Variants in GALNT14 observed in about 807,000 individuals in gnomAD.
GALNT14 encodes UDP-GalNAc:polypeptide N-acetylgalactosaminyltransferase 14.
GALNT14 carries 60 observed loss-of-function variants against 77.5 expected under a neutral mutation model. The ratio of observed to expected loss-of-function variants is 0.77; its 90% CI spans 0.63 to 0.96. The LOEUF is 0.96. Ranked by LOEUF, GALNT14 falls within the 40% of genes least tolerant of loss-of-function variation. The pLI is 0.00. For synonymous variants in GALNT14, 280 were observed against 281.7 expected (o/e 0.99, Z 0.06); for missense variants, 710 against 731.0 (o/e 0.97, Z 0.33).
the GALNT14 span, among the ~76,000 whole-genome samples, chr2:30,893,958 A>G: frequency 1.3e-5 from 2 of 152,174 alleles, no homozygotes. Context: ...TGAGCTTCTC[A>G]GTTACACTAT....
At position 31,010,446 on chromosome 2, in the gene GALNT14, A is replaced by T. The variant is rs185905354; in HGVS notation, c.130-17439T>A. On this transcript the variant is annotated intron_variant, in intron 1 of 14. Transcript: ENST00000349752. ...AACCCCATCTCTACTAAAAATACAA[A>T]AAATAAATAAATAAATAAATTAGCC... Among the ~76,000 whole-genome samples, 748 of 152,326 alleles carry T rather than the reference A, an allele frequency of 4.9e-3. 1 individual carries two copies. Among genetic ancestry groups the T allele is most frequent in the Admixed American group, 0.011 (169 of 15,300 alleles).
At chr2:31,070,955 G>A (rs768745347) in intron 1 of GALNT14, among the ~76,000 whole-genome samples, 6 of 152,074 alleles carry the variant, frequency 3.9e-5, no homozygotes, top group Non-Finnish European at 7.4e-5. Flanking sequence ...CAGGGTCATG[G>A]GATTGTAGAT....
At chr2:31,060,422 A>C (rs888443932) in intron 1 of GALNT14, among the ~76,000 whole-genome samples, 1 of 152,168 alleles carries the variant, frequency 6.6e-6, no homozygotes, top group African/African-American at 2.4e-5. Context: ...CACAGGGAAA[A>C]TCCTTCAGCG....
At chr2:31,071,251 T>C (rs1352788100) in intron 1 of GALNT14, among the ~76,000 whole-genome samples, 1 of 152,062 alleles carries the variant, frequency 6.6e-6, no homozygotes, top group African/African-American at 2.4e-5. Context: ...CCTGTGGAAA[T>C]AAAAATTTTT....
At chr2:31,035,617 CT>C (rs1165388160) in intron 1 of GALNT14, among the ~76,000 whole-genome samples, 320 of 29,784 alleles carry the variant, frequency 0.011, 9 homozygotes, top group African/African-American at 0.052. Context: ...ACACACACAC[CT>C]ACACACACAC....
At chr2:31,091,155 C>T (rs1676717307) in intron 1 of GALNT14, among the ~76,000 whole-genome samples, 1 of 152,084 alleles carries the variant, frequency 6.6e-6, no homozygotes, top group Admixed American at 6.5e-5. Context: ...TAAACTATGG[C>T]CTGAGGCCCA....
At chr2:31,116,129 T>G (rs1678095312) in intron 1 of GALNT14, among the ~76,000 whole-genome samples, 1 of 152,140 alleles carries the variant, frequency 6.6e-6, no homozygotes, top group Non-Finnish European at 1.5e-5. Context: ...GAAATATGCC[T>G]TCGAATGTCC....
intron 1 of GALNT14, chr2:31,129,256 G>A (rs1344451155): frequency 9.4e-6 from 5 of 533,824 alleles, no homozygotes; most frequent in Admixed American, 6.4e-5. Context: ...TTCAGAAAAC[G>A]AGAATAATAA....
At chr2:31,071,031 A>G (rs544234229) in intron 1 of GALNT14, among the ~76,000 whole-genome samples, 3 of 152,342 alleles carry the variant, frequency 2.0e-5, no homozygotes, top group South Asian at 2.1e-4. Context: ...GTTCTCACTC[A>G]TAAGTGGGAG....
intron 2 of GALNT14, among the ~76,000 whole-genome samples, chr2:30,981,831 C>A (rs550252229): frequency 7.7e-4 from 117 of 152,276 alleles, no homozygotes; most frequent in African/African-American, 2.6e-3. Context: ...TCTCATGTTA[C>A]GTGGGAGGAA....
chr2:31,101,918 G>A (rs900031394), intron 1 of GALNT14, among the ~76,000 whole-genome samples: 13 of 151,930 alleles, frequency 8.6e-5, no homozygotes, highest in African/African-American at 2.9e-4. Context: ...TTTTATAAGG[G>A]GCTTCCCCAT....
At chr2:30,958,506 GGCAAA>G in intron 3 of GALNT14, 42 bp from the exon 4 acceptor site, 3 of 1,529,404 alleles carry the variant, frequency 2.0e-6, no homozygotes, top group Non-Finnish European at 2.7e-6. Context: ...AACTTCTAGT[GGCAAA>G]ATATATGTAC....
intron 13 of GALNT14, among the ~76,000 whole-genome samples, chr2:30,920,630 T>TAC (rs140659655): frequency 0.32 from 46,226 of 145,008 alleles, 7,146 homozygotes; most frequent in East Asian, 0.38. Context: ...GAGTGTATGC[T>TAC]ACACACACAC....
chr2:30,903,558 C>A, the GALNT14 span, among the ~76,000 whole-genome samples: 1 of 152,220 alleles, frequency 6.6e-6, no homozygotes, highest in South Asian at 2.1e-4. Context: ...GGCCAACAGC[C>A]TGCGAGGAAC....
At chr2:30,953,015 A>G (rs375784523) in intron 6 of GALNT14, among the ~76,000 whole-genome samples, 43 of 152,276 alleles carry the variant, frequency 2.8e-4, no homozygotes, top group African/African-American at 9.6e-4. Context: ...CAGAGACACT[A>G]TCTCCAACTC....
intron 6 of GALNT14, among the ~76,000 whole-genome samples, chr2:30,946,240 C>T (rs983080627): frequency 1.3e-5 from 2 of 152,216 alleles, no homozygotes; most frequent in East Asian, 3.9e-4. Context: ...AGGCAGAGGA[C>T]ATAGTTAGCT....
chr2:31,002,794 G>A (rs765262715), intron 1 of GALNT14, among the ~76,000 whole-genome samples: 17 of 152,174 alleles, frequency 1.1e-4, no homozygotes, highest in Admixed American at 2.6e-4. Flanking sequence ...TCCCCACAGC[G>A]TGCAGAACAA....
intron 1 of GALNT14, among the ~76,000 whole-genome samples, chr2:31,134,400 C>T (rs889625009): frequency 6.6e-6 from 1 of 152,246 alleles, no homozygotes. Context: ...AAAGAGCTGT[C>T]CCCATGATTA....
chr2:31,008,090 T>C (rs1670790468), intron 1 of GALNT14, among the ~76,000 whole-genome samples: 1 of 151,930 alleles, frequency 6.6e-6, no homozygotes, highest in African/African-American at 2.4e-5. Context: ...ATCTATTTAT[T>C]CATTTATATA....
Sources: gnomAD v4.1 joint callset for allele counts (sites outside exome capture counted in the v4.1 genomes callset) on GRCh38, gnomAD v4.1.1 for gene constraint, MANE v1.5 for transcripts, NCBI Gene and HGNC (gene_info 2026-07-23, HGNC 2026-07-21) for gene names.